TSEN2: variants seen among roughly 807,000 people sequenced by gnomAD.
TSEN2 encodes the protein tRNA splicing endonuclease subunit 2, also known as tRNA-splicing endonuclease subunit Sen2.
TSEN2 carries 54 observed loss-of-function variants against 59.2 expected under a neutral mutation model. The ratio of observed to expected loss-of-function variants is 0.91; its 90% confidence interval spans 0.73 to 1.14. The LOEUF (loss-of-function observed/expected upper bound fraction) is 1.14, where lower values mean the gene tolerates loss of function less well. TSEN2 is among the 50% of genes most tolerant of loss of function. The pLI is 0.00. For synonymous variants in TSEN2, 195 were observed against 198.2 expected (o/e 0.98, Z 0.14); for missense variants, 636 against 576.2 (o/e 1.10, Z -1.06).
intron 4 of TSEN2, among the ~76,000 whole-genome samples, chr3:12,500,968 C>T (rs1219587304): frequency 6.6e-6 from 1 of 152,166 alleles, no homozygotes; most frequent in Admixed American, 6.5e-5. Context: ...TGTTTTGAGT[C>T]ACGGAATTTG....
intron 3 of TSEN2, among the ~76,000 whole-genome samples, 155 bp downstream of exon 3, chr3:12,492,372 C>G (rs1377439890): frequency 2.0e-5 from 3 of 152,146 alleles, no homozygotes; most frequent in Admixed American, 6.5e-5. Flanking sequence ...CTAATCAAAG[C>G]AAAAGGGTTA....
intron 6 of TSEN2, among the ~76,000 whole-genome samples, chr3:12,515,306 A>T (rs1367611928): frequency 6.6e-6 from 1 of 152,214 alleles, no homozygotes; most frequent in Non-Finnish European, 1.5e-5. Context: ...GCAGTTTGTC[A>T]GTGCGTTGTT....
At chr3:12,534,584 C>T (rs536834405), downstream of TSEN2, among the ~76,000 whole-genome samples, 4 of 152,046 alleles carry the variant, frequency 2.6e-5, no homozygotes, top group Admixed American at 6.6e-5. Context: ...GGGTGGATCA[C>T]GAGGTCAGGA....
upstream of TSEN2, among the ~76,000 whole-genome samples, chr3:12,480,974 G>T (rs1204890737): frequency 1.3e-5 from 2 of 152,166 alleles, no homozygotes; most frequent in Non-Finnish European, 2.9e-5. Flanking sequence ...AACCTTGGCT[G>T]CAGAAGAGAG....
At chr3:12,529,610 C>T (rs1350804888) in intron 9 of TSEN2, 152 bp from the exon 10 acceptor site, 2 of 690,682 alleles carry the variant, frequency 2.9e-6, no homozygotes, top group East Asian at 5.5e-5. Flanking sequence ...ATGAATTTTT[C>T]ATTAATATTT....
chr3:12,511,519 C>T (rs908397758), intron 6 of TSEN2, among the ~76,000 whole-genome samples: 13 of 148,690 alleles, frequency 8.7e-5, no homozygotes, highest in African/African-American at 3.2e-4. Context: ...AATTTCAGGT[C>T]AATTAAAGAT....
chr3:12,502,757 C>T (rs1210573528), intron 4 of TSEN2, among the ~76,000 whole-genome samples: 1 of 134,036 alleles, frequency 7.5e-6, no homozygotes, highest in African/African-American at 2.8e-5. Flanking sequence ...CAAGAAGTAA[C>T]ATATGCTTGT....
At chr3:12,529,906 C>A in intron 10 of TSEN2, 33 bp downstream of exon 10, 1 of 1,598,328 alleles carries the variant, frequency 6.3e-7, no homozygotes, top group Admixed American at 1.8e-5. Context: ...ATTGGAGTGT[C>A]ACTTAAATGG....
intron 1 of TSEN2, among the ~76,000 whole-genome samples, chr3:12,485,315 C>T (rs1469423312): frequency 1.3e-5 from 2 of 152,160 alleles, no homozygotes; most frequent in African/African-American, 4.8e-5. Flanking sequence ...TTACCATCAC[C>T]TAAGAGGTGT....
intron 6 of TSEN2, among the ~76,000 whole-genome samples, chr3:12,514,086 A>G (rs1377666857): frequency 6.6e-6 from 1 of 152,214 alleles, no homozygotes; most frequent in African/African-American, 2.4e-5. Context: ...TAGTCGGAGG[A>G]ACACATGTAA....
intron 3 of TSEN2, among the ~76,000 whole-genome samples, chr3:12,494,338 A>G (rs986714231): frequency 6.6e-6 from 1 of 152,248 alleles, no homozygotes; most frequent in Non-Finnish European, 1.5e-5. Context: ...AAAGGAAAGT[A>G]CATGCTGTGC....
chr3:12,502,763 C>T (rs1248585330), intron 4 of TSEN2, among the ~76,000 whole-genome samples: 1 of 146,768 alleles, frequency 6.8e-6, no homozygotes, highest in African/African-American at 2.5e-5. Flanking sequence ...GTAACATATG[C>T]TTGTTGCAGA....
At chr3:12,537,435 G>A (rs1476894119), downstream of TSEN2, among the ~76,000 whole-genome samples, 7 of 152,120 alleles carry the variant, frequency 4.6e-5, no homozygotes, top group African/African-American at 1.7e-4. Context: ...AAGAGCTGCA[G>A]CCCCTAAGGG....
chr3:12,503,998 G>A (rs914376399), intron 5 of TSEN2, among the ~76,000 whole-genome samples: 1 of 152,132 alleles, frequency 6.6e-6, no homozygotes, highest in Non-Finnish European at 1.5e-5. Context: ...ATTAAGACAA[G>A]GCCAGTGGTA....
downstream of TSEN2, among the ~76,000 whole-genome samples, chr3:12,534,929 C>G (rs1279039114): frequency 6.6e-6 from 1 of 151,890 alleles, no homozygotes; most frequent in African/African-American, 2.4e-5. Context: ...CGAGATCAAG[C>G]CACTGCACTC....
chr3:12,492,123 C>G lies in TSEN2; in HGVS notation c.190-13C>G. 1.9e-6 allele frequency: 3 copies of G among 1,611,692 alleles called. No individual in the cohort carries two copies. The highest frequency in any genetic ancestry group is 1.3e-5 in the African/African-American group (1 of 74,986). ...TAAGCATGAACTAACTTCATTTTCT[C>G]TCTTCCTGGAAGGGTTATTTTGGAA... On this transcript the variant is annotated splice_polypyrimidine_tract_variant and intron_variant, in intron 2 of 11. Transcript: ENST00000284995.
chr3:12,483,024 AC>A (rs1313174878), upstream of TSEN2, among the ~76,000 whole-genome samples: 5 of 152,182 alleles, frequency 3.3e-5, no homozygotes, highest in African/African-American at 1.2e-4. Context: ...GCAGCAGAGG[AC>A]CCACTGAATG....
At chr3:12,492,896 C>G (rs2053364212) in intron 3 of TSEN2, among the ~76,000 whole-genome samples, 1 of 152,166 alleles carries the variant, frequency 6.6e-6, no homozygotes, top group African/African-American at 2.4e-5. Flanking sequence ...CAATGTCTAG[C>G]AAAATTACCT....
rs1277467297 is a variant in TSEN2, at chr3:12,519,130, G to T, written c.1032G>T (p.Met344Ile). 4 of 1,614,078 alleles carry T rather than the reference G, an allele frequency of 2.5e-6. No individual in the cohort carries two copies. In the African/African-American group the frequency reaches 5.3e-5, roughly 22 times the overall value. Reference protein sequence around the residue: ...VVQPTFRTTYMAYHYFRSKGW... With the variant: ...VVQPTFRTTYIAYHYFRSKGW... ...AGCCCACGTTCAGAACCACCTACATGGCCTACCATTACTTTCGAAGCAAGG... is the reference window on the plus strand; with the variant it reads ...AGCCCACGTTCAGAACCACCTACATTGCCTACCATTACTTTCGAAGCAAGG... The change falls in exon 8 of 12, where the codon ATG (methionine) becomes ATT (isoleucine). Residue 344 changes from methionine (M) to isoleucine (I), a missense_variant. Transcript: ENST00000284995.
Sources: gnomAD v4.1 joint callset for allele counts (sites outside exome capture counted in the v4.1 genomes callset) on GRCh38, gnomAD v4.1.1 for gene constraint, MANE v1.5 for transcripts, NCBI Gene and HGNC (gene_info 2026-07-23, HGNC 2026-07-21) for gene names.